The following CLIC6 variants were observed in gnomAD, a reference collection of about 807,000 sequenced individuals.
The protein encoded by CLIC6 is chloride intracellular channel protein 6.
A neutral mutation model predicts 49.2 loss-of-function variants in CLIC6; 39 were observed. The observed-to-expected ratio is 0.79, with a 90% confidence interval of 0.61 to 1.04. CLIC6 has a LOEUF of 1.04. Among genes scored for constraint, CLIC6 ranks in the 50% least tolerant of loss-of-function variants. The pLI is 0.00. For missense variants in CLIC6, 988 were observed against 993.1 expected, an observed-to-expected ratio of 0.99 and a Z score of 0.07; for synonymous variants, 446 against 433.4, an observed-to-expected ratio of 1.03 and a Z score of -0.36.
At chr21:34,692,186 G>C (rs984340500) in intron 1 of CLIC6, among the ~76,000 whole-genome samples, 4 of 152,192 alleles carry the variant, frequency 2.6e-5, no homozygotes, top group Non-Finnish European at 5.9e-5. Flanking sequence ...TGTCACCGTT[G>C]AGAAGGTATA....
chr21:34,710,671 G>A (rs1204175507), intron 5 of CLIC6, among the ~76,000 whole-genome samples: 1 of 152,160 alleles, frequency 6.6e-6, no homozygotes, highest in Non-Finnish European at 1.5e-5. Context: ...AAATTAGCCA[G>A]GTGTGGTGGC....
intron 1 of CLIC6, among the ~76,000 whole-genome samples, chr21:34,676,881 A>C (rs1173721380): frequency 6.6e-6 from 1 of 152,154 alleles, no homozygotes; most frequent in African/African-American, 2.4e-5. Flanking sequence ...GAGAGTTATA[A>C]AGGTATTCAA....
intron 1 of CLIC6, among the ~76,000 whole-genome samples, chr21:34,703,306 G>C (rs1398836817): frequency 6.6e-6 from 1 of 152,212 alleles, no homozygotes; most frequent in Non-Finnish European, 1.5e-5. Flanking sequence ...TGTTCACCAT[G>C]TAAGCCCACA....
intron 1 of CLIC6, among the ~76,000 whole-genome samples, chr21:34,693,839 C>T (rs1990041015): frequency 6.6e-6 from 1 of 152,058 alleles, no homozygotes. Flanking sequence ...AATCTGACAG[C>T]GAATTGTGAT....
chr21:34,675,731 C>G (rs1989655776), intron 1 of CLIC6, among the ~76,000 whole-genome samples: 1 of 152,168 alleles, frequency 6.6e-6, no homozygotes, highest in Admixed American at 6.5e-5. Context: ...GTCATTGCCT[C>G]TCGGTTCTCA....
rs963577284 is a variant in CLIC6, at chr21:34,695,260, C to T, written c.1375-12020C>T. On this transcript the variant is annotated intron_variant, in intron 1 of 5. Coordinates refer to ENST00000349499, the MANE Select transcript of CLIC6 (RefSeq NM_053277.3). ...TTACTCCAGCCATATTTCATTTCTCCGACCCTTCTTCCCTAATCAAACCTG... is the reference window on the plus strand; with the variant it reads ...TTACTCCAGCCATATTTCATTTCTCTGACCCTTCTTCCCTAATCAAACCTG... 3.9e-5 allele frequency among the ~76,000 whole-genome samples: 6 copies of T among 152,180 alleles called. No individual in the cohort carries two copies. In the East Asian group the frequency reaches 5.8e-4, roughly 15 times the overall value.
intron 1 of CLIC6, among the ~76,000 whole-genome samples, chr21:34,685,719 C>T (rs567737654): frequency 6.6e-6 from 1 of 152,282 alleles, no homozygotes; most frequent in South Asian, 2.1e-4. Flanking sequence ...TGGAGGGGGA[C>T]ATTTTTTTGT....
Position 34,699,229 on chromosome 21 carries a change from A to G in CLIC6, c.1375-8051A>G, listed in dbSNP as rs1294999858. Among the ~76,000 whole-genome samples the G allele has an allele frequency of 2.0e-5, 3 of 152,190 alleles. No individual in the cohort carries two copies. The East Asian group carries it at 5.8e-4, about 29-fold the overall frequency. ...CTGAAGTCAGAGTAGGTAGTCAGTG[A>G]ATGGTAGCTGTCATGTTTTGTTTTG... On this transcript the variant is annotated intron_variant, in intron 1 of 5. Coordinates refer to ENST00000349499, the MANE Select transcript of CLIC6 (RefSeq NM_053277.3).
chr21:34,708,938 T>C, intron 4 of CLIC6, 132 bp downstream of exon 4: 1 of 670,876 alleles, frequency 1.5e-6, no homozygotes, highest in Non-Finnish European at 2.6e-6. Flanking sequence ...ACAGAAAAAG[T>C]GCCTCCAACT....
At chr21:34,693,335 A>G (rs1188067888) in intron 1 of CLIC6, among the ~76,000 whole-genome samples, 1 of 152,212 alleles carries the variant, frequency 6.6e-6, no homozygotes, top group Non-Finnish European at 1.5e-5. Flanking sequence ...AGGGGCTAAA[A>G]ACTAACTTGT....
At chr21:34,680,718 C>G (rs907552251) in intron 1 of CLIC6, among the ~76,000 whole-genome samples, 27 of 152,204 alleles carry the variant, frequency 1.8e-4, no homozygotes, top group African/African-American at 6.5e-4. Context: ...TAAAGCAAAA[C>G]AAGAGTCACC....
At chr21:34,698,659 A>G (rs988108013) in intron 1 of CLIC6, among the ~76,000 whole-genome samples, 1 of 152,198 alleles carries the variant, frequency 6.6e-6, no homozygotes, top group Non-Finnish European at 1.5e-5. Context: ...ATCCAGCACT[A>G]AGAGGTAGGT....
intron 1 of CLIC6, among the ~76,000 whole-genome samples, chr21:34,701,327 A>G (rs1387835816): frequency 6.6e-6 from 1 of 151,466 alleles, no homozygotes; most frequent in Non-Finnish European, 1.5e-5. Context: ...AAAAAAAAAA[A>G]AAAAAAATCA....
intron 4 of CLIC6, 86 bp downstream of exon 4, chr21:34,708,892 C>T: frequency 1.0e-6 from 1 of 962,336 alleles, no homozygotes. Flanking sequence ...GTATTCCCAT[C>T]TATTTCCCAG....
At chr21:34,683,562 A>G (rs946325179) in intron 1 of CLIC6, among the ~76,000 whole-genome samples, 7 of 152,186 alleles carry the variant, frequency 4.6e-5, no homozygotes, top group African/African-American at 1.4e-4. Flanking sequence ...CCCCACCCAA[A>G]TCTCATCTCG....
intron 5 of CLIC6, among the ~76,000 whole-genome samples, chr21:34,715,963 T>A (rs979824345): frequency 6.6e-6 from 1 of 152,176 alleles, no homozygotes; most frequent in Non-Finnish European, 1.5e-5. Context: ...TTTATTCACA[T>A]AGCACCAAGT....
At chr21:34,701,763 T>C (rs1990194632) in intron 1 of CLIC6, among the ~76,000 whole-genome samples, 1 of 152,204 alleles carries the variant, frequency 6.6e-6, no homozygotes, top group Admixed American at 6.5e-5. Context: ...GGCAAATGGA[T>C]AAACTCATAA....
At chr21:34,674,942 C>T (rs571646466) in intron 1 of CLIC6, among the ~76,000 whole-genome samples, 1 of 152,242 alleles carries the variant, frequency 6.6e-6, no homozygotes, top group Admixed American at 6.5e-5. Context: ...TTTGGTTCCC[C>T]TAATCTGGCG....
intron 1 of CLIC6, among the ~76,000 whole-genome samples, chr21:34,704,434 C>T (rs891618373): frequency 2.0e-5 from 3 of 152,156 alleles, no homozygotes; most frequent in African/African-American, 7.2e-5. Flanking sequence ...TGAGGCAATA[C>T]TGGATATGTA....
Sources: allele counts gnomAD v4.1 joint callset (sites outside exome capture counted in the v4.1 genomes callset), GRCh38; gene constraint gnomAD v4.1.1; transcripts MANE v1.5; gene names NCBI Gene and HGNC (gene_info 2026-07-23, HGNC 2026-07-21).